The following MYRIP variants were observed in gnomAD, a reference collection of about 807,000 sequenced individuals.
The protein encoded by MYRIP is myosin VIIA and Rab interacting protein.
Under a neutral mutation model 98.0 loss-of-function variants are expected in MYRIP, and 49 were observed. The observed-to-expected ratio is 0.50, with a 90% CI of 0.40 to 0.63. MYRIP has a LOEUF of 0.63. Ranked by LOEUF, MYRIP falls within the 30% of genes least tolerant of loss-of-function variation. The probability of loss-of-function intolerance (pLI) is 0.00; values close to 1 mark genes in which losing one functional copy is unlikely to be tolerated. For synonymous variants in MYRIP, 404 were observed against 409.5 expected (o/e 0.99, Z 0.16); for missense variants, 1,004 against 1,058.2 (o/e 0.95, Z 0.71).
intron 3 of MYRIP, among the ~76,000 whole-genome samples, chr3:40,070,763 A>G (rs749394401): frequency 5.9e-5 from 9 of 152,176 alleles, no homozygotes; most frequent in Non-Finnish European, 1.2e-4. Context: ...AGTCCCTGGT[A>G]CCAGAAAGGC....
intron 2 of MYRIP, among the ~76,000 whole-genome samples, chr3:40,010,563 A>G (rs192068968): frequency 6.6e-6 from 1 of 152,340 alleles, no homozygotes; most frequent in African/African-American, 2.4e-5. Context: ...TGGTGGCTTC[A>G]GAAGTCCATG....
intron 3 of MYRIP, among the ~76,000 whole-genome samples, chr3:40,130,379 CTT>C (rs1174112413): frequency 1.6e-4 from 22 of 139,194 alleles, no homozygotes; most frequent in Middle Eastern, 3.7e-3. Flanking sequence ...GTCCAAATTT[CTT>C]TTTTTTTTTT....
intron 3 of MYRIP, among the ~76,000 whole-genome samples, chr3:40,117,945 G>A (rs191491365): frequency 9.9e-4 from 151 of 152,138 alleles, no homozygotes; most frequent in Non-Finnish European, 1.4e-3. Flanking sequence ...AAAAGCAAAT[G>A]GCAGACTAGG....
intron 2 of MYRIP, among the ~76,000 whole-genome samples, chr3:39,972,596 G>C (rs551611991): frequency 1.3e-5 from 2 of 151,866 alleles, no homozygotes; most frequent in African/African-American, 4.8e-5. Context: ...CTGTTATTTC[G>C]ACATTTTGTA....
At chr3:39,915,179 T>C (rs1248071174) in intron 2 of MYRIP, among the ~76,000 whole-genome samples, 1 of 152,096 alleles carries the variant, frequency 6.6e-6, no homozygotes, top group African/African-American at 2.4e-5. Context: ...AATCAGTATA[T>C]AAAATCTGGC....
At chr3:40,216,288 G>C (rs1315558718) in intron 11 of MYRIP, among the ~76,000 whole-genome samples, 2 of 152,140 alleles carry the variant, frequency 1.3e-5, no homozygotes, top group Admixed American at 6.6e-5. Flanking sequence ...GAAAGGCCTG[G>C]CAAGCAAGGC....
chr3:40,025,640 T>G (rs1030924383), intron 2 of MYRIP, among the ~76,000 whole-genome samples: 1 of 152,032 alleles, frequency 6.6e-6, no homozygotes, highest in African/African-American at 2.4e-5. Flanking sequence ...TGTCGGCTGG[T>G]CTGAGAAATA....
At chr3:40,032,592 C>A (rs914368865) in intron 2 of MYRIP, among the ~76,000 whole-genome samples, 1 of 152,102 alleles carries the variant, frequency 6.6e-6, no homozygotes, top group African/African-American at 2.4e-5. Context: ...GCTTACCAAC[C>A]AAAAAGAGTC....
At chr3:40,064,428 TG>T (rs1948086367) in intron 3 of MYRIP, among the ~76,000 whole-genome samples, 1 of 152,000 alleles carries the variant, frequency 6.6e-6, no homozygotes, top group South Asian at 2.1e-4. Flanking sequence ...TATGAGAAAA[TG>T]GATGATTAAA....
intron 3 of MYRIP, among the ~76,000 whole-genome samples, chr3:40,133,640 G>T (rs1031076407): frequency 6.6e-6 from 1 of 152,192 alleles, no homozygotes; most frequent in African/African-American, 2.4e-5. Flanking sequence ...AGGAGGCTGA[G>T]GCAGGAGAAT....
At chr3:40,236,828 G>T (rs1034331492) in intron 12 of MYRIP, among the ~76,000 whole-genome samples, 1 of 151,744 alleles carries the variant, frequency 6.6e-6, no homozygotes, top group Non-Finnish European at 1.5e-5. Context: ...CAGAAATCAG[G>T]AATTGTTATT....
rs146753926 is a variant in MYRIP at position 40,154,552 on chromosome 3, T to C, written c.469+3368T>C. On this transcript the variant is annotated intron_variant, in intron 4 of 16. Coordinates refer to ENST00000302541, the MANE Select transcript of MYRIP (RefSeq NM_015460.4). ...GACCCAGCATGACTTTTTTTTAAAT[T>C]TAATTTTATTTTAAGTTCTGGGATA... Among the ~76,000 whole-genome samples the C allele has an allele frequency of 5.0e-3, 761 of 152,256 alleles. 12 individuals are homozygous for C. The highest frequency in any genetic ancestry group is 0.018 in the African/African-American group (734 of 41,520).
intron 1 of MYRIP, among the ~76,000 whole-genome samples, chr3:39,893,488 A>G (rs955025206): frequency 6.6e-6 from 1 of 152,142 alleles, no homozygotes; most frequent in Non-Finnish European, 1.5e-5. Context: ...TTATAATTCA[A>G]TAGGGACCAG....
chr3:40,015,233 A>T (rs1243984553), intron 2 of MYRIP, among the ~76,000 whole-genome samples: 1 of 152,184 alleles, frequency 6.6e-6, no homozygotes, highest in East Asian at 1.9e-4. Context: ...TTACATCTGG[A>T]AGTAATTAGG....
intron 3 of MYRIP, among the ~76,000 whole-genome samples, chr3:40,114,326 C>T (rs1949229134): frequency 6.6e-6 from 1 of 152,150 alleles, no homozygotes; most frequent in Admixed American, 6.5e-5. Context: ...TAGGCCATAC[C>T]ATGTAGCCTA....
chr3:39,813,565 T>TCAAGTTTACAC (rs1940774028), intron 1 of MYRIP, among the ~76,000 whole-genome samples: 1 of 152,230 alleles, frequency 6.6e-6, no homozygotes, highest in African/African-American at 2.4e-5. Context: ...TTACACACTA[T>TCAAGTTTACAC]GCAAGCCGGA....
In MYRIP at chr3:39,856,121, G is replaced by A. The variant is rs554995999; in HGVS notation, c.-30-44666G>A. 1.2e-3 allele frequency among the ~76,000 whole-genome samples: 179 copies of A among 152,356 alleles called. 2 individuals carry two copies. In the South Asian group the frequency reaches 0.036, roughly 31 times the overall value. ...GATTTTCAGATTCCCCAGTGGGGAT[G>A]TGTGTTTGGAGGCAGATTTCCCCCT... On this transcript the variant is annotated intron_variant, in intron 1 of 16. Coordinates refer to ENST00000302541, the MANE Select transcript of MYRIP (RefSeq NM_015460.4).
intron 1 of MYRIP, among the ~76,000 whole-genome samples, chr3:39,882,536 T>C (rs1943181639): frequency 6.6e-6 from 1 of 152,154 alleles, no homozygotes; most frequent in Non-Finnish European, 1.5e-5. Context: ...GGCTGACTGA[T>C]TAATATGACT....
chr3:40,150,716 T>C (rs548331177), intron 3 of MYRIP, among the ~76,000 whole-genome samples: 30 of 152,324 alleles, frequency 2.0e-4, no homozygotes, highest in African/African-American at 6.5e-4. Flanking sequence ...ATGGCTTCTT[T>C]CACCTATCTG....
Sources: allele counts gnomAD v4.1 joint callset (sites outside exome capture counted in the v4.1 genomes callset), GRCh38; gene constraint gnomAD v4.1.1; transcripts MANE v1.5; gene names NCBI Gene and HGNC (gene_info 2026-07-23, HGNC 2026-07-21).